ALDH3A2: variants seen among roughly 807,000 people sequenced by gnomAD.
ALDH3A2 encodes aldehyde dehydrogenase 3 family member A2.
ALDH3A2 carries 36 observed loss-of-function variants against 51.3 expected under a neutral mutation model. That is an observed-to-expected ratio of 0.70 (90% confidence interval 0.54 to 0.93). The LOEUF (loss-of-function observed/expected upper bound fraction) is 0.93. ALDH3A2 is among the 40% of genes least tolerant of loss of function. The pLI is 0.00. For missense variants in ALDH3A2, 552 were observed against 603.1 expected, an observed-to-expected ratio of 0.92 and a Z score of 0.89; for synonymous variants, 199 against 219.8, an observed-to-expected ratio of 0.91 and a Z score of 0.84.
intron 9 of ALDH3A2, among the ~76,000 whole-genome samples, chr17:19,673,458 C>T (rs563431663): frequency 6.6e-6 from 1 of 151,934 alleles, no homozygotes; most frequent in African/African-American, 2.4e-5. Flanking sequence ...TGGCTCACGC[C>T]TGTAATCCTA....
chr17:19,648,787 C>T lies in ALDH3A2; in HGVS notation c.-185C>T. 1 of 779,930 alleles carries T rather than the reference C, an allele frequency of 1.3e-6. No individual in the cohort carries two copies. The highest frequency in any genetic ancestry group is 1.7e-5 in the South Asian group (1 of 57,500). The allele number at this position is 779,930 out of a possible 1,614,324, so 48.3% of individuals were successfully genotyped here. A position where few individuals can be genotyped will look rare whatever the true frequency, so the allele number is the denominator to read the frequency against. On this transcript the variant is annotated 5_prime_UTR_variant, in exon 1 of 10. Coordinates refer to ENST00000176643, the MANE Select transcript of ALDH3A2 (RefSeq NM_000382.3). ...GGCGCCTCCGACTGGCAGTGGGACTCAGCGGGCGTGGAGGTCGCGGCTGAG... is the reference window on the plus strand; with the variant it reads ...GGCGCCTCCGACTGGCAGTGGGACTTAGCGGGCGTGGAGGTCGCGGCTGAG...
At chr17:19,655,009 A>G (rs891666096) in intron 3 of ALDH3A2, among the ~76,000 whole-genome samples, 7 of 152,218 alleles carry the variant, frequency 4.6e-5, no homozygotes, top group African/African-American at 1.7e-4. Flanking sequence ...ATTTAAGAAT[A>G]TCAAGAACTG....
At chr17:19,648,304 A>G (rs2084762022), upstream of ALDH3A2, 1 of 152,598 alleles carries the variant, frequency 6.6e-6, no homozygotes, top group Admixed American at 6.5e-5. Flanking sequence ...TGAAGGAAGG[A>G]GCAGGGGACA....
chr17:19,664,890 C>T (rs887686905), intron 7 of ALDH3A2, 58 bp from the exon 8 acceptor site: 80 of 1,190,576 alleles, frequency 6.7e-5, no homozygotes, highest in Non-Finnish European at 9.4e-5. Flanking sequence ...GTGGTGGGGC[C>T]ATGAGTGTTC....
intron 5 of ALDH3A2, among the ~76,000 whole-genome samples, chr17:19,658,518 A>G (rs113910896): frequency 0.058 from 8,856 of 152,004 alleles, 395 homozygotes; most frequent in Middle Eastern, 0.12. Context: ...TGAGGTCAGA[A>G]GTTCAAGACC....
rs1377997726 is a variant in ALDH3A2 at position 19,648,785 on chromosome 17, C to G, written c.-187C>G. On this transcript the variant is annotated 5_prime_UTR_variant, in exon 1 of 10. Transcript: ENST00000176643. ...CCGGCGCCTCCGACTGGCAGTGGGA[C>G]TCAGCGGGCGTGGAGGTCGCGGCTG... The G allele has an allele frequency of 1.3e-6, 1 of 766,830 alleles. No individual in the cohort carries two copies. The highest frequency in any genetic ancestry group is 1.7e-5 in the African/African-American group (1 of 57,834). 47.5% of individuals were successfully genotyped at this position (766,830 alleles called of 1,614,324 possible). A position where few individuals can be genotyped will look rare whatever the true frequency, so the allele number is the denominator to read the frequency against.
intron 1 of ALDH3A2, 136 bp from the exon 2 acceptor site, chr17:19,651,411 A>C: frequency 1.3e-6 from 1 of 745,144 alleles, no homozygotes. Flanking sequence ...GTGCAAAAGG[A>C]GTCTGAATGG....
chr17:19,652,420 G>T (rs1277375413), intron 2 of ALDH3A2, 127 bp from the exon 3 acceptor site: 1 of 719,068 alleles, frequency 1.4e-6, no homozygotes, highest in Non-Finnish European at 2.5e-6. Context: ...TAATTATGAG[G>T]ATATGCAGCA....
At chr17:19,670,005 C>T (rs76051665) in intron 8 of ALDH3A2, among the ~76,000 whole-genome samples, 2,642 of 152,296 alleles carry the variant, frequency 0.017, 30 homozygotes, top group Non-Finnish European at 0.029. Context: ...CCAAAGTTGT[C>T]TGGCTCCAAA....
chr17:19,673,240 A>C, intron 9 of ALDH3A2: 1 of 1,614,232 alleles, frequency 6.2e-7, no homozygotes, highest in Non-Finnish European at 8.5e-7. Flanking sequence ...GATGAACACC[A>C]GATTTCAAAA....
chr17:19,658,279 G>C (rs2152328963), intron 5 of ALDH3A2, among the ~76,000 whole-genome samples: 1 of 152,222 alleles, frequency 6.6e-6, no homozygotes, highest in East Asian at 1.9e-4. Flanking sequence ...TTGGAGGAGT[G>C]ACTTAATTAA....
chr17:19,662,163 C>G (rs2084974896), intron 6 of ALDH3A2: 1 of 152,164 alleles, frequency 6.6e-6, no homozygotes, highest in Non-Finnish European at 1.5e-5. Context: ...TCCACATTGC[C>G]TATTTCTAGG....
In ALDH3A2 at chr17:19,676,696, A is replaced by G. The variant is rs1400071917; in HGVS notation, c.*1124A>G. Reference sequence around the variant, plus strand: ...CTGTAATAAAAGTACTTATAAACATACTAATCCTCTTTCAGGACCCTAAAG... The same window carrying G: ...CTGTAATAAAAGTACTTATAAACATGCTAATCCTCTTTCAGGACCCTAAAG... On this transcript the variant is annotated 3_prime_UTR_variant, in exon 10 of 10. Coordinates refer to ENST00000176643, the MANE Select transcript of ALDH3A2 (RefSeq NM_000382.3). 6.6e-6 allele frequency: 1 copy of G among 152,178 alleles called. No individual in the cohort carries two copies. The highest frequency in any genetic ancestry group is 1.5e-5 in the Non-Finnish European group (1 of 68,040). 9.4% of individuals were successfully genotyped at this position (152,178 alleles called of 1,614,324 possible).
At chr17:19,670,212 C>A (rs751346247) in intron 8 of ALDH3A2, among the ~76,000 whole-genome samples, 14 of 152,042 alleles carry the variant, frequency 9.2e-5, no homozygotes, top group South Asian at 2.1e-4. Context: ...TTCCGAAATC[C>A]CCTAGGATTT....
chr17:19,669,975 T>C (rs978498944), intron 8 of ALDH3A2, among the ~76,000 whole-genome samples: 1 of 152,098 alleles, frequency 6.6e-6, no homozygotes, highest in African/African-American at 2.4e-5. Flanking sequence ...AACTAATAAG[T>C]AGTAAAGCCA....
At chr17:19,669,736 A>G (rs1166679729) in intron 8 of ALDH3A2, among the ~76,000 whole-genome samples, 1 of 152,086 alleles carries the variant, frequency 6.6e-6, no homozygotes, top group East Asian at 1.9e-4. Flanking sequence ...TTAGGCTCAA[A>G]CAATCTTCCC....
rs886052689 is a variant in ALDH3A2 at position 19,661,246 on chromosome 17, T to C, written c.918T>C (p.Thr306=). 6.2e-7 allele frequency: 1 copy of C among 1,614,172 alleles called. No homozygotes were observed. The highest frequency in any genetic ancestry group is 8.5e-7 in the Non-Finnish European group (1 of 1,180,032). ...EGQKIAFGGE[T]DEATRYIAPT... is the part of the protein sequence containing the mutation. ...AAAAGATAGCTTTTGGTGGGGAGAC[T>C]GATGAGGCCACACGCTACATAGGTA... The change falls in exon 6 of 10, where the codon ACT becomes ACC. Residue 306 remains threonine (T), a synonymous_variant. Transcript: ENST00000176643.
chr17:19,665,691 C>T (rs1404139820), intron 8 of ALDH3A2, among the ~76,000 whole-genome samples: 1 of 152,138 alleles, frequency 6.6e-6, no homozygotes, highest in African/African-American at 2.4e-5. Flanking sequence ...ACCTGCCTGC[C>T]TCTCCCACAT....
intron 2 of ALDH3A2, 44 bp downstream of exon 2, chr17:19,651,822 A>G: frequency 2.0e-6 from 3 of 1,524,680 alleles, no homozygotes. Context: ...AGGGAGGCTT[A>G]TTTTCTCATA....
Sources: allele counts gnomAD v4.1 joint callset (sites outside exome capture counted in the v4.1 genomes callset), GRCh38; gene constraint gnomAD v4.1.1; transcripts MANE v1.5; gene names NCBI Gene and HGNC (gene_info 2026-07-23, HGNC 2026-07-21).